OR10AG1: variants seen among roughly 807,000 people sequenced by gnomAD.
The protein encoded by OR10AG1 is olfactory receptor family 10 subfamily AG member 1.
For synonymous variants in OR10AG1, 147 were observed against 128.6 expected (o/e 1.14, Z -0.97); for missense variants, 433 against 376.5 (o/e 1.15, Z -1.24).
At position 55,967,590 on chromosome 11, in the gene OR10AG1, A is replaced by G; in HGVS notation, c.934T>C (p.Leu312=). Residue 312 remains leucine, a synonymous_variant, in exon 2 of 2, where the codon TTG becomes CTG. Coordinates refer to ENST00000641071, the MANE Select transcript of OR10AG1 (RefSeq NM_001005491.2). ...TLRNKDIMVA[L]RKLLAKLLT is the part of the protein sequence containing the mutation. ...AATAACTTAGCTAGTAATTTTCTCA[A>G]TGCCACCATGATATCTTTGTTCCTC... 6.3e-7 allele frequency: 1 copy of G among 1,594,662 alleles called. No individual in the cohort carries two copies. Among genetic ancestry groups the G allele is most frequent in the Non-Finnish European group, 8.5e-7 (1 of 1,170,104 alleles).
chr11:55,968,631 A>G (rs1852715808), intron 1 of OR10AG1, 124 bp from the exon 2 acceptor site: 2 of 509,250 alleles, frequency 3.9e-6, no homozygotes, highest in Non-Finnish European at 6.9e-6. Context: ...TTTCACCAGT[A>G]CTTGCTCTGT....
Position 55,967,461 on chromosome 11 carries a change from A to T in OR10AG1, c.*97T>A. ...AGTTTGTATTTAAATTTCAGTACTC[A>T]TTATTGAATACCATAGGGACAAAGT... On this transcript the variant is annotated 3_prime_UTR_variant, in exon 2 of 2. Transcript: ENST00000641071. 1.4e-6 allele frequency: 1 copy of T among 697,478 alleles called. No homozygotes were observed. Among genetic ancestry groups the T allele is most frequent in the Non-Finnish European group, 2.4e-6 (1 of 411,738 alleles). The allele number at this position is 697,478 out of a possible 1,614,324, so 43.2% of individuals were successfully genotyped here.
chr11:55,969,789 G>C (rs1276184741), intron 1 of OR10AG1, 103 bp downstream of exon 1: 2 of 396,672 alleles, frequency 5.0e-6, no homozygotes, highest in Admixed American at 4.4e-5. Context: ...TTCAGATAAA[G>C]GTCTCAAAAT....
rs1268887008 is a variant in OR10AG1 at position 55,965,999 on chromosome 11, C to T, written c.*1559G>A. On this transcript the variant is annotated 3_prime_UTR_variant, in exon 2 of 2. Coordinates refer to ENST00000641071, the MANE Select transcript of OR10AG1 (RefSeq NM_001005491.2). Reference sequence around the variant, plus strand: ...ATGTTATATTTTTTAAGTACATATGCATTCTTACATATTAGGGAAGTAGGA... The same window carrying T: ...ATGTTATATTTTTTAAGTACATATGTATTCTTACATATTAGGGAAGTAGGA... 6.6e-6 allele frequency: 1 copy of T among 151,762 alleles called. No individual in the cohort carries two copies. The highest frequency in any genetic ancestry group is 2.4e-5 in the African/African-American group (1 of 41,292). 9.4% of individuals were successfully genotyped at this position (151,762 alleles called of 1,614,324 possible). A position where few individuals can be genotyped will look rare whatever the true frequency, so the allele number is the denominator to read the frequency against.
intron 1 of OR10AG1, among the ~76,000 whole-genome samples, chr11:55,969,345 T>G (rs1025443840): frequency 3.3e-5 from 5 of 152,260 alleles, no homozygotes; most frequent in Admixed American, 6.5e-5. Context: ...TAACATTTAC[T>G]CTGGCCATCT....
At position 55,966,877 on chromosome 11, in the gene OR10AG1, T is replaced by C. The variant is rs1852693224; in HGVS notation, c.*681A>G. On this transcript the variant is annotated 3_prime_UTR_variant, in exon 2 of 2. Transcript: ENST00000641071. ...TAAATAAGATTAAATTTGAAGGTTCTAGTTGGAGATTTCTATTTTGAGGGT... is the reference window on the plus strand; with the variant it reads ...TAAATAAGATTAAATTTGAAGGTTCCAGTTGGAGATTTCTATTTTGAGGGT... 1 of 152,130 alleles carries C rather than the reference T, an allele frequency of 6.6e-6. No individual in the cohort carries two copies. The highest frequency in any genetic ancestry group is 1.5e-5 in the Non-Finnish European group (1 of 68,034). 9.4% of individuals were successfully genotyped at this position (152,130 alleles called of 1,614,324 possible).
chr11:55,968,958 G>T (rs1852718811), intron 1 of OR10AG1, among the ~76,000 whole-genome samples: 1 of 151,828 alleles, frequency 6.6e-6, no homozygotes, highest in South Asian at 2.1e-4. Flanking sequence ...TTCCTTTTAT[G>T]CACCAGTGAG....
rs183558600 is a variant in OR10AG1 at position 55,966,517 on chromosome 11, A to C, written c.*1041T>G. 48 of 152,228 alleles carry C rather than the reference A, an allele frequency of 3.2e-4. 1 individual carries two copies. The highest frequency in any genetic ancestry group is 2.8e-3 in the Admixed American group (43 of 15,294). The allele number at this position is 152,228 out of a possible 1,614,324, so 9.4% of individuals were successfully genotyped here. ...AAATTGGGTGGCTTAAGGCAATAGC[A>C]GATTAGTCACTCATCAGTTCTCTAG... On this transcript the variant is annotated 3_prime_UTR_variant, in exon 2 of 2. Coordinates refer to ENST00000641071, the MANE Select transcript of OR10AG1 (RefSeq NM_001005491.2).
Position 55,967,605 on chromosome 11 carries a change from C to A in OR10AG1, c.919G>T (p.Asp307Tyr), listed in dbSNP as rs755056161. ...AATTTTCTCAATGCCACCATGATAT[C>A]TTTGTTCCTCAGGGTATATATAATA... ...NPIIYTLRNK[D>Y]IMVALRKLLA... The change falls in exon 2 of 2, where the codon GAT becomes TAT. Residue 307 changes from aspartate (D) to tyrosine (Y), a missense_variant. Physicochemically the swap from Asp to Tyr is radical, Grantham distance 160. Coordinates refer to ENST00000641071, the MANE Select transcript of OR10AG1 (RefSeq NM_001005491.2). The A allele has an allele frequency of 6.2e-7, 1 of 1,604,424 alleles. No homozygotes were observed. Among genetic ancestry groups the A allele is most frequent in the Non-Finnish European group, 8.5e-7 (1 of 1,175,010 alleles).
In OR10AG1 at chr11:55,968,897, G is replaced by A. The variant is rs559794216; in HGVS notation, c.17-390C>T. 8.6e-5 allele frequency among the ~76,000 whole-genome samples: 13 copies of A among 151,992 alleles called. No homozygotes were observed. In the East Asian group the frequency reaches 2.3e-3, roughly 27 times the overall value. On this transcript the variant is annotated intron_variant, in intron 1 of 1. Transcript: ENST00000641071. ...TATTCCAGTTTTTTTAATTCAAAATGTTGCCCTTGAATATTACGATTAATT... is the reference window on the plus strand; with the variant it reads ...TATTCCAGTTTTTTTAATTCAAAATATTGCCCTTGAATATTACGATTAATT...
chr11:55,967,548 A>G lies in OR10AG1; in HGVS notation c.*10T>C. ...TAAAGAAATTATTTCTGTAATTTCA[A>G]GTCTTCATCTCATGTTAATAACTTA... On this transcript the variant is annotated 3_prime_UTR_variant, in exon 2 of 2. Coordinates refer to ENST00000641071, the MANE Select transcript of OR10AG1 (RefSeq NM_001005491.2). The G allele has an allele frequency of 6.8e-6, 10 of 1,477,234 alleles. No individual in the cohort carries two copies. The highest frequency in any genetic ancestry group is 1.4e-5 in the African/African-American group (1 of 70,610). 91.5% of individuals were successfully genotyped at this position (1,477,234 alleles called of 1,614,324 possible). A position where few individuals can be genotyped will look rare whatever the true frequency, so the allele number is the denominator to read the frequency against.
At chr11:55,969,625 A>G (rs1193076415) in intron 1 of OR10AG1, among the ~76,000 whole-genome samples, 1 of 152,134 alleles carries the variant, frequency 6.6e-6, no homozygotes, top group Non-Finnish European at 1.5e-5. Flanking sequence ...TCAGACAAAT[A>G]CTATCTCATA....
Position 55,968,285 on chromosome 11 carries a change from A to T in OR10AG1, c.239T>A (p.Leu80Ter). ...MYFFLSNFSL[L>*]EICYVTIIIP... ...AATGATTGTTACATAACAGATTTCC[A>T]AAAGGGAAAAATTGCTAAGAAAAAA... Residue 80 changes from leucine (L) to a stop codon, truncating the protein, a stop_gained, in exon 2 of 2, where the codon TTG (leucine) becomes TAG (stop). Coordinates refer to ENST00000641071, the MANE Select transcript of OR10AG1 (RefSeq NM_001005491.2). LOFTEE classifies it low-confidence loss of function (END_TRUNC). The T allele has an allele frequency of 3.1e-6, 5 of 1,613,858 alleles. No individual in the cohort carries two copies. The highest frequency in any genetic ancestry group is 4.2e-6 in the Non-Finnish European group (5 of 1,179,814).
rs145467219 is a variant in OR10AG1 at position 55,967,788 on chromosome 11, C to A, written c.736G>T (p.Ala246Ser). ...GATGAGCAGGTGGAGAAGGCTTTAG[C>A]CTTTCCTCTGGCTGATGACAATTTC... ...ILKLSSARGK[A>S]KAFSTCSSHL... Residue 246 changes from alanine (A) to serine (S), a missense_variant, in exon 2 of 2, where the codon GCT becomes TCT. Transcript: ENST00000641071. 26 of 1,613,816 alleles carry A rather than the reference C, an allele frequency of 1.6e-5. No individual in the cohort carries two copies. The highest frequency in any genetic ancestry group is 1.9e-5 in the Non-Finnish European group (23 of 1,179,928).
In OR10AG1 at chr11:55,966,710, C is replaced by T. The variant is rs1852691774; in HGVS notation, c.*848G>A. On this transcript the variant is annotated 3_prime_UTR_variant, in exon 2 of 2. Coordinates refer to ENST00000641071, the MANE Select transcript of OR10AG1 (RefSeq NM_001005491.2). Reference sequence around the variant, plus strand: ...TTACATGATGTCCTTCTCTGTTTCTCTGCACCTTTTTTCCCCTCAAACTTC... The same window carrying T: ...TTACATGATGTCCTTCTCTGTTTCTTTGCACCTTTTTTCCCCTCAAACTTC... 1 of 152,114 alleles carries T rather than the reference C, an allele frequency of 6.6e-6. No individual in the cohort carries two copies. The highest frequency in any genetic ancestry group is 2.1e-4 in the South Asian group (1 of 4,832). 9.4% of individuals were successfully genotyped at this position (152,114 alleles called of 1,614,324 possible).
chr11:55,968,066 A>G lies in OR10AG1; in HGVS notation c.458T>C (p.Ile153Thr), dbSNP rs1028518523. Residue 153 changes from isoleucine to threonine, a missense_variant, in exon 2 of 2, where the codon ATT becomes ACT. Physicochemically the swap from Ile to Thr is moderately conservative, Grantham distance 89. Coordinates refer to ENST00000641071, the MANE Select transcript of OR10AG1 (RefSeq NM_001005491.2). ...YPLVMNHKVC[I>T]QLIIASWTIT... is the part of the protein sequence containing the mutation. ...GGTCCAGGAAGCTATTATCAGCTGA[A>G]TGCAGACTTTGTGGTTCATCACTAG... 1 of 1,614,114 alleles carries G rather than the reference A, an allele frequency of 6.2e-7. No individual in the cohort carries two copies. The highest frequency in any genetic ancestry group is 1.3e-5 in the African/African-American group (1 of 74,994).
At chr11:55,968,584 A>C in intron 1 of OR10AG1, 77 bp from the exon 2 acceptor site, 2 of 634,602 alleles carry the variant, frequency 3.2e-6, no homozygotes, top group South Asian at 2.1e-5. Flanking sequence ...TAACTAAATG[A>C]GATACAGGAA....
chr11:55,968,734 C>T (rs1049102982), intron 1 of OR10AG1, among the ~76,000 whole-genome samples: 1 of 152,068 alleles, frequency 6.6e-6, no homozygotes, highest in Non-Finnish European at 1.5e-5. Context: ...CAACCAGAGG[C>T]ATTGAGAAGC....
rs1018856854 is a variant in OR10AG1, at chr11:55,966,693, T to A, written c.*865A>T. ...AGTCTCTGCCTTCACCTTTACATGA[T>A]GTCCTTCTCTGTTTCTCTGCACCTT... On this transcript the variant is annotated 3_prime_UTR_variant, in exon 2 of 2. Coordinates refer to ENST00000641071, the MANE Select transcript of OR10AG1 (RefSeq NM_001005491.2). 6.6e-6 allele frequency: 1 copy of A among 152,122 alleles called. No individual in the cohort carries two copies. The highest frequency in any genetic ancestry group is 2.4e-5 in the African/African-American group (1 of 41,370). 9.4% of individuals were successfully genotyped at this position (152,122 alleles called of 1,614,324 possible).
Sources: gnomAD v4.1 joint callset for allele counts (sites outside exome capture counted in the v4.1 genomes callset) on GRCh38, gnomAD v4.1.1 for gene constraint, MANE v1.5 for transcripts, NCBI Gene and HGNC (gene_info 2026-07-23, HGNC 2026-07-21) for gene names.